Variants in RBFOX1 observed in about 807,000 individuals in gnomAD.
The protein encoded by RBFOX1 is RNA binding protein fox-1 homolog 1.
A neutral mutation model predicts 57.7 loss-of-function variants in RBFOX1; 8 were observed. The observed-to-expected ratio is 0.14, with a 90% CI of 0.08 to 0.25. The LOEUF is 0.25. RBFOX1 is among the 10% of genes least tolerant of loss of function. The pLI is 1.00. For synonymous variants in RBFOX1, 326 were observed against 222.4 expected (o/e 1.47, Z -4.15); for missense variants, 611 against 548.5 (o/e 1.11, Z -1.14).
At chr16:7,111,792 A>C (rs916483323) in intron 4 of RBFOX1, among the ~76,000 whole-genome samples, 3 of 150,738 alleles carry the variant, frequency 2.0e-5, no homozygotes, top group Non-Finnish European at 4.4e-5. Flanking sequence ...TGGCCAATCT[A>C]TTTGATTTTT....
intron 2 of RBFOX1, among the ~76,000 whole-genome samples, chr16:6,352,732 A>G (rs1459628691): frequency 6.6e-6 from 1 of 152,176 alleles, no homozygotes; most frequent in African/African-American, 2.4e-5. Flanking sequence ...AGCAGCTAAA[A>G]CTTTTCAATC....
intron 3 of RBFOX1, among the ~76,000 whole-genome samples, chr16:6,809,078 C>T (rs1347050355): frequency 1.3e-5 from 2 of 152,172 alleles, no homozygotes; most frequent in Non-Finnish European, 2.9e-5. Context: ...ACTTCAACCA[C>T]CCATAGACTG....
chr16:5,477,836 C>G (rs2069385121), intron 2 of RBFOX1, among the ~76,000 whole-genome samples: 1 of 152,164 alleles, frequency 6.6e-6, no homozygotes, highest in Admixed American at 6.5e-5. Context: ...AAATTTCTGG[C>G]TCAGACACTA....
At chr16:7,241,493 C>G (rs1358309383) in intron 4 of RBFOX1, among the ~76,000 whole-genome samples, 3 of 152,124 alleles carry the variant, frequency 2.0e-5, no homozygotes, top group African/African-American at 7.2e-5. Context: ...TTTCTTGAAA[C>G]AGGACATCTT....
intron 4 of RBFOX1, among the ~76,000 whole-genome samples, chr16:7,282,397 G>A (rs1218683977): frequency 6.6e-6 from 1 of 152,142 alleles, no homozygotes; most frequent in East Asian, 1.9e-4. Flanking sequence ...CCTGTATGAA[G>A]ATATCTCATT....
intron 15 of RBFOX1, chr16:7,709,893 G>C (rs1194731594): frequency 2.8e-6 from 3 of 1,077,392 alleles, no homozygotes; most frequent in East Asian, 7.9e-5. Context: ...ACAAAGCTTT[G>C]GCATGCAGTT....
At chr16:7,398,849 C>A (rs1207124069) in intron 4 of RBFOX1, among the ~76,000 whole-genome samples, 1 of 152,178 alleles carries the variant, frequency 6.6e-6, no homozygotes, top group Non-Finnish European at 1.5e-5. Flanking sequence ...AAATGTAATC[C>A]TTGTACTAAA....
intron 2 of RBFOX1, among the ~76,000 whole-genome samples, chr16:5,522,337 G>A (rs920107598): frequency 1.8e-4 from 27 of 152,206 alleles, no homozygotes; most frequent in African/African-American, 5.8e-4. Flanking sequence ...CGTAAAGCAC[G>A]TTGCATACAT....
chr16:6,708,698 T>C (rs1005616920), intron 3 of RBFOX1, among the ~76,000 whole-genome samples: 2 of 152,226 alleles, frequency 1.3e-5, no homozygotes, highest in South Asian at 4.1e-4. Flanking sequence ...AAATCATTAG[T>C]ATAATTACAC....
At chr16:7,422,921 C>T (rs1032772929) in intron 4 of RBFOX1, 1 of 152,254 alleles carries the variant, frequency 6.6e-6, no homozygotes, top group African/African-American at 2.4e-5. Flanking sequence ...CCTCTCCACC[C>T]CTCCTTTTCC....
chr16:5,806,263 A>AT (rs1433575097), intron 3 of RBFOX1, among the ~76,000 whole-genome samples: 1 of 152,158 alleles, frequency 6.6e-6, no homozygotes, highest in African/African-American at 2.4e-5. Flanking sequence ...ATGACAATTT[A>AT]TTTTCTCACA....
Position 5,822,350 on chromosome 16 carries a change from G to T in RBFOX1, c.319-44953G>T, listed in dbSNP as rs532541315. Among the ~76,000 whole-genome samples the T allele has an allele frequency of 3.1e-3, 476 of 152,138 alleles. 5 individuals carry two copies. Among genetic ancestry groups the T allele is most frequent in the African/African-American group, 0.011 (454 of 41,490 alleles). ...TGCAGTGTTTACTGCTTGGGTGGTG[G>T]GTGTGGCAGGTTCTCACAAATCTCC... On this transcript the variant is annotated intron_variant, in intron 3 of 19. Coordinates refer to the RBFOX1 transcript ENST00000641259.
chr16:5,266,366 C>T (rs946793105), intron 1 of RBFOX1, among the ~76,000 whole-genome samples: 2 of 152,022 alleles, frequency 1.3e-5, no homozygotes, highest in African/African-American at 4.8e-5. Context: ...CTAATGTCCC[C>T]CGGGGGCATA....
chr16:6,218,205 C>T (rs1000032125), intron 1 of RBFOX1, among the ~76,000 whole-genome samples: 1 of 152,186 alleles, frequency 6.6e-6, no homozygotes, highest in Non-Finnish European at 1.5e-5. Context: ...CCTGCCCATT[C>T]TCCTTGAGTA....
At chr16:7,393,896 G>T (rs957741002) in intron 4 of RBFOX1, among the ~76,000 whole-genome samples, 1 of 152,110 alleles carries the variant, frequency 6.6e-6, no homozygotes, top group Admixed American at 6.6e-5. Flanking sequence ...TCAGCAGGAA[G>T]ATGGTTCATC....
At chr16:7,304,879 A>T (rs1337817584) in intron 4 of RBFOX1, among the ~76,000 whole-genome samples, 1 of 151,536 alleles carries the variant, frequency 6.6e-6, no homozygotes, top group Non-Finnish European at 1.5e-5. Flanking sequence ...CTGATTTAAT[A>T]GAGAGTGGAA....
chr16:6,505,164 C>T (rs1308574939), intron 2 of RBFOX1, among the ~76,000 whole-genome samples: 2 of 152,142 alleles, frequency 1.3e-5, no homozygotes, highest in East Asian at 1.9e-4. Context: ...CCTAGTTATG[C>T]AGTTTCTTGC....
chr16:6,378,325 G>A (rs898912674), intron 2 of RBFOX1, among the ~76,000 whole-genome samples: 3 of 152,200 alleles, frequency 2.0e-5, no homozygotes, highest in African/African-American at 7.2e-5. Context: ...GGGCCCAACA[G>A]AGAGATGGTG....
chr16:7,477,401 C>T (rs186699140), intron 4 of RBFOX1, among the ~76,000 whole-genome samples: 1 of 152,080 alleles, frequency 6.6e-6, no homozygotes, highest in South Asian at 2.1e-4. Flanking sequence ...AGGGTTTACC[C>T]GTGGGGGGTC....
Sources: allele counts gnomAD v4.1 joint callset (sites outside exome capture counted in the v4.1 genomes callset), GRCh38; gene constraint gnomAD v4.1.1; transcripts MANE v1.5; gene names NCBI Gene and HGNC (gene_info 2026-07-23, HGNC 2026-07-21).